The following ZNF184 variants were observed in gnomAD, a reference collection of about 807,000 sequenced individuals.
ZNF184 encodes zinc finger protein 184 (Kruppel-like).
A neutral mutation model predicts 54.4 loss-of-function variants in ZNF184; 16 were observed. The ratio of observed to expected loss-of-function variants is 0.29; its 90% CI spans 0.20 to 0.45. The LOEUF (loss-of-function observed/expected upper bound fraction) is 0.45. ZNF184 is among the 20% of genes least tolerant of loss of function. ZNF184 has a pLI of 1.00. For missense variants in ZNF184, 681 were observed against 888.2 expected (o/e 0.77, Z 2.97); for synonymous variants, 254 against 295.3 (o/e 0.86, Z 1.43).
At chr6:27,406,660 G>C in the ZNF184 span, 51 of 152,400 alleles carry the variant, frequency 3.3e-4, no homozygotes, top group African/African-American at 1.2e-3. Flanking sequence ...CACCAAGTCT[G>C]TACAAGAGTG....
At chr6:27,415,091 G>A in the ZNF184 span, among the ~76,000 whole-genome samples, 36 of 152,314 alleles carry the variant, frequency 2.4e-4, no homozygotes, top group African/African-American at 8.7e-4. Flanking sequence ...GTAACCATCT[G>A]TAATGAGTAT....
chr6:27,456,770 T>G, intron 5 of ZNF184, 56 bp downstream of exon 5: 2 of 1,456,854 alleles, frequency 1.4e-6, no homozygotes, highest in Non-Finnish European at 9.6e-7. Context: ...AAATCCTCTC[T>G]TATCAGGCTG....
chr6:27,437,775 G>A, the ZNF184 span, among the ~76,000 whole-genome samples: 3 of 152,196 alleles, frequency 2.0e-5, no homozygotes, highest in Non-Finnish European at 2.9e-5. Flanking sequence ...CAATCTTCAA[G>A]GCTGAGAGAA....
the ZNF184 span, among the ~76,000 whole-genome samples, chr6:27,423,072 C>T: frequency 6.6e-6 from 1 of 152,242 alleles, no homozygotes; most frequent in African/African-American, 2.4e-5. Context: ...CAACCGCGTC[C>T]TCCTCTTTGC....
At chr6:27,414,253 C>T in the ZNF184 span, among the ~76,000 whole-genome samples, 3 of 152,256 alleles carry the variant, frequency 2.0e-5, no homozygotes, top group South Asian at 6.2e-4. Flanking sequence ...TTGTTTTCAT[C>T]CTTGTCCCTT....
At chr6:27,454,683 T>C (rs530643279) in intron 5 of ZNF184, among the ~76,000 whole-genome samples, 7 of 152,180 alleles carry the variant, frequency 4.6e-5, no homozygotes, top group African/African-American at 9.7e-5. Flanking sequence ...TTATCTATAT[T>C]GTCATGTCCT....
At chr6:27,437,184 G>C in the ZNF184 span, among the ~76,000 whole-genome samples, 3 of 152,160 alleles carry the variant, frequency 2.0e-5, no homozygotes, top group African/African-American at 7.2e-5. Flanking sequence ...AATAAATTTT[G>C]TAGATGTAAT....
chr6:27,404,140 G>A, the ZNF184 span: 2 of 152,304 alleles, frequency 1.3e-5, no homozygotes, highest in South Asian at 4.1e-4. Context: ...ATCAGGACAA[G>A]TTATGATAAC....
At chr6:27,417,015 T>C in the ZNF184 span, among the ~76,000 whole-genome samples, 1 of 152,190 alleles carries the variant, frequency 6.6e-6, no homozygotes, top group Non-Finnish European at 1.5e-5. Flanking sequence ...AGGGTTACTT[T>C]GTCTTCTCAT....
Position 27,451,689 on chromosome 6 carries a change from G to A in ZNF184, c.1870C>T (p.Arg624Ter), listed in dbSNP as rs774034887. 5 of 1,613,896 alleles carry A rather than the reference G, an allele frequency of 3.1e-6. No individual in the cohort carries two copies. Among genetic ancestry groups the A allele is most frequent in the South Asian group, 2.2e-5 (2 of 91,058 alleles). The change falls in exon 6 of 6, where the codon CGA becomes TGA. Residue 624 changes from arginine (R) to a stop codon, truncating the protein, a stop_gained. Coordinates refer to ENST00000683788, the MANE Select transcript of ZNF184 (RefSeq NM_001318891.2). LOFTEE classifies it low-confidence loss of function (END_TRUNC). ...YECAECGKAF[R>*]HCSSLAQHQK... ...TGTTGAGCAAGAGATGAACAATGTC[G>A]AAAGGCTTTACCACACTCAGCACAC...
intron 5 of ZNF184, 138 bp downstream of exon 5, chr6:27,456,674 TAAGAAAGTCCAGAA>T (rs1762862701): frequency 1.5e-6 from 1 of 665,670 alleles, no homozygotes; most frequent in Admixed American, 3.0e-5. Context: ...TAACAAAGCA[TAAGAAAGTCCAGAA>T]AACAGATGTT....
the ZNF184 span, among the ~76,000 whole-genome samples, chr6:27,415,743 CTG>C: frequency 2.6e-5 from 4 of 152,150 alleles, no homozygotes; most frequent in Non-Finnish European, 4.4e-5. Flanking sequence ...AAAGTGGGCT[CTG>C]AAGTTGGAAT....
intron 3 of ZNF184, among the ~76,000 whole-genome samples, chr6:27,465,142 G>A (rs1326251018): frequency 1.4e-5 from 2 of 146,848 alleles, no homozygotes; most frequent in South Asian, 2.2e-4. Context: ...ACAAAACTGT[G>A]AGAAATAAAG....
At chr6:27,409,163 A>G in the ZNF184 span, among the ~76,000 whole-genome samples, 6 of 152,208 alleles carry the variant, frequency 3.9e-5, no homozygotes, top group South Asian at 2.1e-4. Flanking sequence ...AAAATTTGCT[A>G]TAAGATAGAT....
At position 27,451,251 on chromosome 6, in the gene ZNF184, A is replaced by C. The variant is rs1762708244; in HGVS notation, c.*52T>G. 10 of 1,519,604 alleles carry C rather than the reference A, an allele frequency of 6.6e-6. No individual in the cohort carries two copies. The highest frequency in any genetic ancestry group is 7.0e-6 in the Non-Finnish European group (8 of 1,136,042). 94.1% of individuals were successfully genotyped at this position (1,519,604 alleles called of 1,614,324 possible). A position where few individuals can be genotyped will look rare whatever the true frequency, so the allele number is the denominator to read the frequency against. On this transcript the variant is annotated 3_prime_UTR_variant, in exon 6 of 6. Transcript: ENST00000683788. Reference sequence around the variant, plus strand: ...CTCTGATTCTTCAGTACTTAACAAAAGGACAAACTAAAGTAAATATCTCCC... The same window carrying C: ...CTCTGATTCTTCAGTACTTAACAAACGGACAAACTAAAGTAAATATCTCCC...
Position 27,451,199 on chromosome 6 carries a change from A to G in ZNF184, c.*104T>C, listed in dbSNP as rs1024383397. 42 of 1,369,874 alleles carry G rather than the reference A, an allele frequency of 3.1e-5. No individual in the cohort carries two copies. The African/African-American group carries it at 5.4e-4, about 18-fold the overall frequency. The allele number at this position is 1,369,874 out of a possible 1,614,324, so 84.9% of individuals were successfully genotyped here. On this transcript the variant is annotated 3_prime_UTR_variant, in exon 6 of 6. Coordinates refer to ENST00000683788, the MANE Select transcript of ZNF184 (RefSeq NM_001318891.2). ...CCATAACATGATAGTGAAAATTTAA[A>G]AGATTTCAAGGCAGTTTCTAAATCC... is the stretch of plus-strand genomic sequence containing the variant.
chr6:27,450,198 A>T (rs1184410569), downstream of ZNF184, among the ~76,000 whole-genome samples: 1 of 152,216 alleles, frequency 6.6e-6, no homozygotes, highest in Non-Finnish European at 1.5e-5. Context: ...TTTAAGAAAA[A>T]ACACTTATGC....
the ZNF184 span, among the ~76,000 whole-genome samples, chr6:27,424,145 G>A: frequency 5.3e-5 from 8 of 152,312 alleles, no homozygotes; most frequent in Non-Finnish European, 7.3e-5. Context: ...TGGCTCAGAA[G>A]TGAAGCTGCA....
At chr6:27,434,736 A>C in the ZNF184 span, among the ~76,000 whole-genome samples, 1 of 152,186 alleles carries the variant, frequency 6.6e-6, no homozygotes. Context: ...TGCCAAATCC[A>C]ATGTCATGAA....
Sources: gnomAD v4.1 joint callset for allele counts (sites outside exome capture counted in the v4.1 genomes callset) on GRCh38, gnomAD v4.1.1 for gene constraint, MANE v1.5 for transcripts, NCBI Gene and HGNC (gene_info 2026-07-23, HGNC 2026-07-21) for gene names.